Variants in C5 observed in about 807,000 individuals in gnomAD.
The protein encoded by C5 is complement C5.
A neutral mutation model predicts 218.8 loss-of-function variants in C5; 140 were observed. That is an observed-to-expected ratio of 0.64 (90% CI 0.56 to 0.74). The LOEUF is 0.74. C5 is among the 30% of genes least tolerant of loss of function. The pLI, the probability that C5 is intolerant of heterozygous loss-of-function variation, is 0.00. For synonymous variants in C5, 614 were observed against 682.3 expected (o/e 0.90, Z 1.56); for missense variants, 1,700 against 1,969.6 (o/e 0.86, Z 2.59).
At chr9:121,004,105 G>C (rs757716683) in intron 20 of C5, among the ~76,000 whole-genome samples, 1 of 152,028 alleles carries the variant, frequency 6.6e-6, no homozygotes, top group African/African-American at 2.4e-5. Flanking sequence ...GCCTGACCTC[G>C]TGATCCACCC....
the C5 span, among the ~76,000 whole-genome samples, chr9:121,056,667 C>A: frequency 2.0e-5 from 3 of 151,640 alleles, no homozygotes; most frequent in Non-Finnish European, 4.4e-5. Context: ...TGAAAATACA[C>A]AGAGGAGAAA....
At position 120,953,732 on chromosome 9, in the gene C5, G is replaced by GA; in HGVS notation, c.4898dup (p.Arg1634GlnfsTer13). ...ACTGAAAAATATTGGTGACTTACCT[G>GA]AAACTGAAATTGTATTTTATCTGGA... On this transcript the variant is annotated frameshift_variant, in exon 40 of 41. Transcript: ENST00000223642. LOFTEE classifies it high-confidence loss of function. 6.2e-7 allele frequency: 1 copy of GA among 1,614,056 alleles called. No individual in the cohort carries two copies. Among genetic ancestry groups the GA allele is most frequent in the Non-Finnish European group, 8.5e-7 (1 of 1,179,904 alleles).
At chr9:121,048,050 A>G (rs554055347) in intron 1 of C5, among the ~76,000 whole-genome samples, 2 of 152,322 alleles carry the variant, frequency 1.3e-5, no homozygotes, top group East Asian at 3.9e-4. Context: ...TCTATAATTC[A>G]CAAATTATAG....
At chr9:120,957,394 A>G (rs764644410) in intron 38 of C5, 26 bp from the exon 39 acceptor site, 33 of 1,554,992 alleles carry the variant, frequency 2.1e-5, no homozygotes, top group Non-Finnish European at 2.8e-5. Flanking sequence ...CAACAATGAA[A>G]CAATTCAGTC....
the C5 span, among the ~76,000 whole-genome samples, chr9:121,065,507 T>C: frequency 6.6e-6 from 1 of 152,236 alleles, no homozygotes; most frequent in Non-Finnish European, 1.5e-5. Flanking sequence ...TCACCCAGGC[T>C]GGAGTGCAGC....
chr9:121,020,231 G>C, intron 11 of C5, 52 bp from the exon 12 acceptor site: 1 of 1,229,306 alleles, frequency 8.1e-7, no homozygotes, highest in Non-Finnish European at 1.2e-6. Flanking sequence ...AATGCTTTCT[G>C]TAAAACATAC....
chr9:120,970,285 T>C, intron 31 of C5, 34 bp from the exon 32 acceptor site: 4 of 1,436,986 alleles, frequency 2.8e-6, no homozygotes, highest in Non-Finnish European at 3.9e-6. Context: ...GAAGATTCTA[T>C]TTAAAGTGGG....
At position 121,037,913 on chromosome 9, in the gene C5, G is replaced by T; in HGVS notation, c.460C>A (p.Pro154Thr). The T allele has an allele frequency of 6.5e-7, 1 of 1,529,590 alleles. No individual in the cohort carries two copies. The highest frequency in any genetic ancestry group is 9.0e-7 in the Non-Finnish European group (1 of 1,116,240). The allele number at this position is 1,529,590 out of a possible 1,614,324, so 94.8% of individuals were successfully genotyped here. ...GTTAAGACAGTTTCTCTTTTGGCTGGCTTCAAGTCGTCATTCAACGAATAA... is the reference window on the plus strand; with the variant it reads ...GTTAAGACAGTTTCTCTTTTGGCTGTCTTCAAGTCGTCATTCAACGAATAA... The part of the protein sequence containing the change: ...RVYSLNDDLK[P>T]AKRETVLTFI... The change falls in exon 4 of 41, where the codon CCA becomes ACA. Residue 154 changes from proline (P) to threonine (T), a missense_variant. Physicochemically the swap from Pro to Thr is conservative, Grantham distance 38. Coordinates refer to ENST00000223642, the MANE Select transcript of C5 (RefSeq NM_001735.3).
At chr9:120,993,285 T>C (rs757346225) in intron 22 of C5, among the ~76,000 whole-genome samples, 1 of 152,188 alleles carries the variant, frequency 6.6e-6, no homozygotes, top group African/African-American at 2.4e-5. Context: ...CTCCTGGATA[T>C]ATGGTCCAGG....
intron 20 of C5, among the ~76,000 whole-genome samples, chr9:121,002,255 TA>T: frequency 2.9e-5 from 1 of 34,296 alleles, no homozygotes; most frequent in African/African-American, 7.4e-5. Flanking sequence ...TATATATATG[TA>T]TATATGTATA....
intron 3 of C5, among the ~76,000 whole-genome samples, chr9:121,040,952 CTTTT>C (rs35536237): frequency 3.1e-5 from 4 of 129,258 alleles, no homozygotes; most frequent in Non-Finnish European, 5.0e-5. Flanking sequence ...TTTTTTTTCT[CTTTT>C]TTTTTTTTTT....
At chr9:121,047,100 C>T (rs1351896887) in intron 1 of C5, among the ~76,000 whole-genome samples, 1 of 152,136 alleles carries the variant, frequency 6.6e-6, no homozygotes, top group East Asian at 1.9e-4. Context: ...AAGTACTTGC[C>T]ACATATCAGA....
At chr9:121,023,287 A>G in intron 10 of C5, 117 bp downstream of exon 10, 1 of 777,946 alleles carries the variant, frequency 1.3e-6, no homozygotes, top group Non-Finnish European at 2.3e-6. Context: ...GTTTCACAGA[A>G]TAAGCTCCCT....
intron 3 of C5, among the ~76,000 whole-genome samples, chr9:121,038,642 A>T (rs2047551036): frequency 6.6e-6 from 1 of 152,230 alleles, no homozygotes; most frequent in Non-Finnish European, 1.5e-5. Flanking sequence ...TGTTTGAGAC[A>T]CAGTGATCTA....
chr9:120,984,764 C>G (rs923291203), intron 25 of C5, among the ~76,000 whole-genome samples: 1 of 133,762 alleles, frequency 7.5e-6, no homozygotes, highest in Admixed American at 8.4e-5. Context: ...CTCTGTTGCC[C>G]AGGCTGGAGT....
intron 20 of C5, among the ~76,000 whole-genome samples, chr9:121,002,289 T>C (rs1188469314): frequency 3.3e-5 from 4 of 121,278 alleles, no homozygotes; most frequent in East Asian, 2.5e-4. Context: ...TACGTATATA[T>C]GTATATATGT....
rs963134312 is a variant in C5, at chr9:120,952,648, T to C, written c.*91A>G. 5.4e-6 allele frequency: 7 copies of C among 1,301,494 alleles called. No homozygotes were observed. The highest frequency in any genetic ancestry group is 5.2e-5 in the Admixed American group (3 of 57,384). 80.6% of individuals were successfully genotyped at this position (1,301,494 alleles called of 1,614,324 possible). ...TGAGCTTTACAAATAAGACCAGCTA[T>C]GAATGTTTAAAAAAAGAAGAAAACA... On this transcript the variant is annotated 3_prime_UTR_variant, in exon 41 of 41. Coordinates refer to ENST00000223642, the MANE Select transcript of C5 (RefSeq NM_001735.3).
At chr9:121,006,104 C>A in intron 19 of C5, 46 bp from the exon 20 acceptor site, 1 of 1,598,944 alleles carries the variant, frequency 6.3e-7, no homozygotes. Flanking sequence ...TAGGAAATTC[C>A]TATAATGTTT....
intron 25 of C5, among the ~76,000 whole-genome samples, chr9:120,985,585 G>T (rs1411536579): frequency 6.6e-6 from 1 of 152,138 alleles, no homozygotes; most frequent in Non-Finnish European, 1.5e-5. Context: ...TATATACTAT[G>T]TGATATATTT....
Sources: gnomAD v4.1 joint callset for allele counts (sites outside exome capture counted in the v4.1 genomes callset) on GRCh38, gnomAD v4.1.1 for gene constraint, MANE v1.5 for transcripts, NCBI Gene and HGNC (gene_info 2026-07-23, HGNC 2026-07-21) for gene names.